KIFAP3: variants seen among roughly 807,000 people sequenced by gnomAD.
The protein encoded by KIFAP3 is kinesin associated protein 3, also known as kinesin-associated protein 3.
KIFAP3 carries 68 observed loss-of-function variants against 106.5 expected under a neutral mutation model. The observed-to-expected ratio is 0.64, with a 90% confidence interval of 0.53 to 0.78. KIFAP3 has a LOEUF of 0.78. Among genes scored for constraint, KIFAP3 ranks in the 30% least tolerant of loss-of-function variants. The pLI is 0.00. For missense variants in KIFAP3, 780 were observed against 941.8 expected, an observed-to-expected ratio of 0.83 and a Z score of 2.25; for synonymous variants, 320 against 311.5, an observed-to-expected ratio of 1.03 and a Z score of -0.29.
At chr1:169,931,982 C>T (rs1225849481) in intron 19 of KIFAP3, among the ~76,000 whole-genome samples, 1 of 152,128 alleles carries the variant, frequency 6.6e-6, no homozygotes, top group African/African-American at 2.4e-5. Flanking sequence ...AAATCACTTC[C>T]AGCCATCAGT....
At chr1:169,992,293 T>C (rs976388397) in intron 10 of KIFAP3, 38 bp from the exon 11 acceptor site, 4 of 1,023,734 alleles carry the variant, frequency 3.9e-6, no homozygotes, top group Admixed American at 2.4e-5. Flanking sequence ...GCTATAAATA[T>C]ATATTTTTTA....
intron 8 of KIFAP3, among the ~76,000 whole-genome samples, chr1:170,030,439 T>C (rs1669341083): frequency 6.6e-6 from 1 of 151,826 alleles, no homozygotes; most frequent in South Asian, 2.1e-4. Context: ...AAGTTAAACA[T>C]ACACCTATCC....
At chr1:169,953,254 CTTT>C (rs1030485965) in intron 19 of KIFAP3, among the ~76,000 whole-genome samples, 7 of 151,220 alleles carry the variant, frequency 4.6e-5, no homozygotes, top group African/African-American at 1.7e-4. Context: ...ACTGGCCTGA[CTTT>C]TTTTTTCTCT....
chr1:169,970,286 G>A (rs907946238), intron 17 of KIFAP3, among the ~76,000 whole-genome samples: 2 of 152,018 alleles, frequency 1.3e-5, no homozygotes, highest in African/African-American at 2.4e-5. Flanking sequence ...ATGTGCTGAT[G>A]AGGCCACAGA....
chr1:170,002,437 A>G (rs1667711122), intron 10 of KIFAP3, among the ~76,000 whole-genome samples: 1 of 152,210 alleles, frequency 6.6e-6, no homozygotes, highest in Non-Finnish European at 1.5e-5. Context: ...ATTCACATAA[A>G]ATTGTGAAAC....
intron 2 of KIFAP3, among the ~76,000 whole-genome samples, chr1:170,053,480 C>T (rs755801208): frequency 6.6e-6 from 1 of 151,690 alleles, no homozygotes; most frequent in Non-Finnish European, 1.5e-5. Context: ...AGGAAAAATA[C>T]TTTAAATTTC....
At chr1:169,996,710 C>A (rs905000005) in intron 10 of KIFAP3, among the ~76,000 whole-genome samples, 1 of 152,106 alleles carries the variant, frequency 6.6e-6, no homozygotes, top group Non-Finnish European at 1.5e-5. Context: ...TGTAAGTTAT[C>A]ATCATCATTC....
chr1:170,014,550 A>G lies in KIFAP3; in HGVS notation c.1183+1912T>C, dbSNP rs75219790. ...ATGAAATCTTATCTATAAAGTATCA[A>G]TATAGGAACATCCTCTTTTGAATCC... is the stretch of plus-strand genomic sequence containing the variant. On this transcript the variant is annotated intron_variant, in intron 10 of 19. Coordinates refer to ENST00000361580, the MANE Select transcript of KIFAP3 (RefSeq NM_014970.4). Among the ~76,000 whole-genome samples, 1,167 of 152,304 alleles carry G rather than the reference A, an allele frequency of 7.7e-3. 53 individuals carry two copies. The East Asian group carries it at 0.12, about 16-fold the overall frequency.
chr1:170,058,187 T>C (rs1670943982), intron 1 of KIFAP3, among the ~76,000 whole-genome samples: 1 of 152,170 alleles, frequency 6.6e-6, no homozygotes, highest in African/African-American at 2.4e-5. Flanking sequence ...TTGCCACCCA[T>C]TCATTATCAA....
chr1:169,966,486 C>T (rs957548561), intron 17 of KIFAP3, among the ~76,000 whole-genome samples: 2 of 138,592 alleles, frequency 1.4e-5, no homozygotes, highest in African/African-American at 2.7e-5. Flanking sequence ...AAAAAAAAAC[C>T]TTGGCTTAAC....
intron 7 of KIFAP3, chr1:170,032,247 C>T (rs1669451423): frequency 1.1e-5 from 3 of 277,914 alleles, no homozygotes; most frequent in Non-Finnish European, 2.0e-5. Flanking sequence ...GATATTTGAA[C>T]CTCACCAAAT....
chr1:170,069,501 G>A (rs1017832645), intron 1 of KIFAP3, among the ~76,000 whole-genome samples: 3 of 151,964 alleles, frequency 2.0e-5, no homozygotes, highest in African/African-American at 4.8e-5. Context: ...AAAGGACCAC[G>A]CAACATGGCC....
chr1:170,043,303 A>G (rs1670077773), intron 3 of KIFAP3, among the ~76,000 whole-genome samples: 2 of 152,188 alleles, frequency 1.3e-5, no homozygotes, highest in Non-Finnish European at 2.9e-5. Flanking sequence ...TCACTATTAA[A>G]CAATTGCAAA....
At chr1:170,065,268 T>G (rs1671377006) in intron 1 of KIFAP3, among the ~76,000 whole-genome samples, 4 of 152,188 alleles carry the variant, frequency 2.6e-5, no homozygotes, top group Admixed American at 2.0e-4. Flanking sequence ...TAAAAGTATA[T>G]TTTTTGGGGA....
intron 19 of KIFAP3, among the ~76,000 whole-genome samples, chr1:169,941,502 T>C (rs1291227200): frequency 1.3e-5 from 2 of 149,788 alleles, no homozygotes; most frequent in Non-Finnish European, 3.0e-5. Context: ...ACATTTTGAT[T>C]TTTATGAGGA....
chr1:170,058,040 G>A (rs1432926500), intron 1 of KIFAP3, among the ~76,000 whole-genome samples: 2 of 152,078 alleles, frequency 1.3e-5, no homozygotes, highest in African/African-American at 4.8e-5. Context: ...ATAACTGCAT[G>A]TGATAAACTG....
chr1:169,951,765 CAAAT>C (rs1461942016), intron 19 of KIFAP3, among the ~76,000 whole-genome samples: 2 of 151,806 alleles, frequency 1.3e-5, no homozygotes, highest in Non-Finnish European at 3.0e-5. Flanking sequence ...AAGTCTTTCT[CAAAT>C]AAGTAATGCA....
In KIFAP3 at chr1:170,034,390, A is replaced by G; in HGVS notation, c.724T>C (p.Ser242Pro). Reference protein sequence around the residue: ...KRHELWQEELSKKKKAVDEDP... With the variant: ...KRHELWQEELPKKKKAVDEDP... ...AGGATATCAGCTTTCTTCTTCTTTG[A>G]GAGTTCTTCTTGCCAAAGCTCATGT... The change falls in exon 7 of 20, where the codon TCA becomes CCA. Residue 242 changes from serine to proline, a missense_variant. This residue lies in a region of KIFAP3 where 588 missense variants were observed against 678.9 expected (regional missense o/e 0.87). Coordinates refer to ENST00000361580, the MANE Select transcript of KIFAP3 (RefSeq NM_014970.4). The G allele has an allele frequency of 6.2e-7, 1 of 1,605,906 alleles. No homozygotes were observed. The highest frequency in any genetic ancestry group is 1.7e-5 in the Admixed American group (1 of 58,900).
intron 17 of KIFAP3, among the ~76,000 whole-genome samples, chr1:169,965,719 T>C (rs954277609): frequency 2.0e-5 from 3 of 152,030 alleles, no homozygotes; most frequent in African/African-American, 7.2e-5. Context: ...CCCTTCTAAC[T>C]TTAGCCTTCT....
Sources: gnomAD v4.1 joint callset for allele counts (sites outside exome capture counted in the v4.1 genomes callset) on GRCh38, gnomAD v4.1.1 for gene constraint, gnomAD v4.1.1 regional missense constraint, MANE v1.5 for transcripts, NCBI Gene and HGNC (gene_info 2026-07-23, HGNC 2026-07-21) for gene names.